The following MYO6 variants were observed in gnomAD, a reference collection of about 807,000 sequenced individuals.
MYO6 encodes the protein myosin VI.
In MYO6, 74 loss-of-function variants were observed where a neutral mutation model predicts 178.7. That is an observed-to-expected ratio of 0.41 (90% CI 0.34 to 0.50). The LOEUF is 0.50. MYO6 is among the 20% of genes least tolerant of loss of function. The pLI, the probability that MYO6 is intolerant of heterozygous loss-of-function variation, is 0.09. For synonymous variants in MYO6, 477 were observed against 504.6 expected, an observed-to-expected ratio of 0.95 and a Z score of 0.73; for missense variants, 1,330 against 1,547.4, an observed-to-expected ratio of 0.86 and a Z score of 2.36.
intron 25 of MYO6, among the ~76,000 whole-genome samples, chr6:75,889,342 T>C (rs1333568099): frequency 6.6e-6 from 1 of 152,238 alleles, no homozygotes; most frequent in Admixed American, 6.5e-5. Flanking sequence ...AAATATTCTC[T>C]AGGTACTATT....
rs536697366 is a variant in MYO6, at chr6:75,759,256, A to G, written c.-48+9833A>G. Among the ~76,000 whole-genome samples the G allele has an allele frequency of 1.2e-4, 19 of 152,254 alleles. No homozygotes were observed. The South Asian group carries it at 3.9e-3, about 32-fold the overall frequency. On this transcript the variant is annotated intron_variant, in intron 1 of 34. Coordinates refer to ENST00000369977, the MANE Select transcript of MYO6 (RefSeq NM_004999.4). ...AGATAATGTGCTGTTGAATAATCAG[A>G]CTTGGCATTGTTAGTCATATCAGGC...
At chr6:75,838,670 G>GT (rs1343495933) in intron 7 of MYO6, among the ~76,000 whole-genome samples, 19 of 126,504 alleles carry the variant, frequency 1.5e-4, no homozygotes, top group East Asian at 6.9e-4. Context: ...TTTTCTTCTT[G>GT]TTTTTTTTTG....
rs1781211739 is a variant in MYO6 at position 75,917,991 on chromosome 6, C to T, written c.*2979C>T. ...TATGATGTTAGTGATAGACCTGCCTCCTTTTATGGAAGAGGTAACAGATCC... is the reference window on the plus strand; with the variant it reads ...TATGATGTTAGTGATAGACCTGCCTTCTTTTATGGAAGAGGTAACAGATCC... On this transcript the variant is annotated 3_prime_UTR_variant, in exon 35 of 35. Coordinates refer to ENST00000369977, the MANE Select transcript of MYO6 (RefSeq NM_004999.4). 1 of 152,434 alleles carries T rather than the reference C, an allele frequency of 6.6e-6. No homozygotes were observed. Among genetic ancestry groups the T allele is most frequent in the Admixed American group, 6.5e-5 (1 of 15,270 alleles). 9.4% of individuals were successfully genotyped at this position (152,434 alleles called of 1,614,324 possible).
intron 1 of MYO6, among the ~76,000 whole-genome samples, chr6:75,772,681 C>T (rs577337677): frequency 1.3e-4 from 20 of 152,164 alleles, no homozygotes; most frequent in East Asian, 5.8e-4. Flanking sequence ...ATGAAGTTAC[C>T]GATGTGTTTT....
At position 75,762,351 on chromosome 6, in the gene MYO6, A is replaced by G. The variant is rs553025290; in HGVS notation, c.-48+12928A>G. ...ATGAGGTGACTATTCTTATTATTCT[A>G]TTTTATAGCTGAGAGAGCTGAGGTC... On this transcript the variant is annotated intron_variant, in intron 1 of 34. Coordinates refer to ENST00000369977, the MANE Select transcript of MYO6 (RefSeq NM_004999.4). Among the ~76,000 whole-genome samples, 4 of 152,248 alleles carry G rather than the reference A, an allele frequency of 2.6e-5. No homozygotes were observed. In the South Asian group the frequency reaches 8.3e-4, roughly 32 times the overall value.
At chr6:75,888,413 G>C (rs1778636891) in intron 25 of MYO6, among the ~76,000 whole-genome samples, 1 of 152,078 alleles carries the variant, frequency 6.6e-6, no homozygotes, top group Non-Finnish European at 1.5e-5. Flanking sequence ...TCAGGAGTTA[G>C]AGACCAACCT....
intron 8 of MYO6, 65 bp from the exon 9 acceptor site, chr6:75,841,149 A>G (rs1336870485): frequency 1.4e-6 from 2 of 1,450,308 alleles, no homozygotes; most frequent in Admixed American, 1.7e-5. Context: ...ATAATTTAAC[A>G]TTGGTTAATT....
chr6:75,867,181 T>A, intron 18 of MYO6, 76 bp downstream of exon 18: 1 of 1,201,748 alleles, frequency 8.3e-7, no homozygotes, highest in Non-Finnish European at 1.2e-6. Context: ...ATGGATAATG[T>A]AGATCACTGT....
chr6:75,909,510 T>C (rs1780599758), intron 32 of MYO6, among the ~76,000 whole-genome samples: 1 of 152,218 alleles, frequency 6.6e-6, no homozygotes, highest in African/African-American at 2.4e-5. Context: ...TGAACATGGA[T>C]TTTGTTACTT....
intron 1 of MYO6, among the ~76,000 whole-genome samples, chr6:75,805,989 A>G (rs1770038651): frequency 6.6e-6 from 1 of 152,150 alleles, no homozygotes; most frequent in Admixed American, 6.6e-5. Context: ...GATTTTCTGA[A>G]AGATTTTTCT....
chr6:75,855,183 T>G lies in MYO6; in HGVS notation c.1123T>G (p.Cys375Gly). ...KNKSAQSLEY[C>G]AELLGLDQDD... ...TAAATCTGCTCAGTCTTTGGAATAT[T>G]GTGCTGAATTACTGGGTTTGGACCA... The change falls in exon 12 of 35, where the codon TGT becomes GGT. Residue 375 changes from cysteine to glycine, a missense_variant. This residue lies in a region of MYO6 where 613 missense variants were observed against 816.8 expected (regional missense o/e 0.75). Transcript: ENST00000369977. 1 of 1,612,846 alleles carries G rather than the reference T, an allele frequency of 6.2e-7. No homozygotes were observed. Among genetic ancestry groups the G allele is most frequent in the Non-Finnish European group, 8.5e-7 (1 of 1,179,016 alleles).
intron 1 of MYO6, among the ~76,000 whole-genome samples, chr6:75,751,947 A>C (rs1284363237): frequency 6.6e-6 from 1 of 152,082 alleles, no homozygotes; most frequent in African/African-American, 2.4e-5. Flanking sequence ...AATATCTAAA[A>C]ATATTGGGAA....
At chr6:75,845,301 A>G (rs1774621535) in intron 10 of MYO6, among the ~76,000 whole-genome samples, 1 of 152,076 alleles carries the variant, frequency 6.6e-6, no homozygotes, top group African/African-American at 2.4e-5. Flanking sequence ...TATATTACCC[A>G]CTTGAGCTTA....
At chr6:75,787,730 CTATATATA>C (rs1172801367) in intron 1 of MYO6, among the ~76,000 whole-genome samples, 78 of 11,648 alleles carry the variant, frequency 6.7e-3, no homozygotes, top group South Asian at 0.025. Flanking sequence ...CTCTCTCTCT[CTATATATA>C]TATATATATA....
intron 30 of MYO6, among the ~76,000 whole-genome samples, chr6:75,904,474 C>A (rs1381365234): frequency 5.3e-5 from 8 of 151,924 alleles, no homozygotes. Context: ...TCATTTCATT[C>A]ATTTCATCTT....
chr6:75,770,711 A>G (rs933864080), intron 1 of MYO6, among the ~76,000 whole-genome samples: 1 of 152,176 alleles, frequency 6.6e-6, no homozygotes, highest in Non-Finnish European at 1.5e-5. Flanking sequence ...TCCCGACCTC[A>G]GGTGATCCAC....
At chr6:75,750,547 T>A (rs888262243) in intron 1 of MYO6, among the ~76,000 whole-genome samples, 1 of 151,434 alleles carries the variant, frequency 6.6e-6, no homozygotes, top group Non-Finnish European at 1.5e-5. Context: ...TTTTTTTTTT[T>A]AATGCTCTGG....
chr6:75,804,005 C>T (rs531810047), intron 1 of MYO6, among the ~76,000 whole-genome samples: 5 of 152,234 alleles, frequency 3.3e-5, no homozygotes, highest in East Asian at 1.9e-4. Context: ...GCTATTCTTC[C>T]GCCTCAGCCT....
intron 1 of MYO6, among the ~76,000 whole-genome samples, chr6:75,764,100 C>T (rs1778185758): frequency 6.6e-6 from 1 of 152,098 alleles, no homozygotes; most frequent in Non-Finnish European, 1.5e-5. Flanking sequence ...GGCTGGACTG[C>T]ATTCGTACCA....
Sources: gnomAD v4.1 joint callset for allele counts (sites outside exome capture counted in the v4.1 genomes callset) on GRCh38, gnomAD v4.1.1 for gene constraint, gnomAD v4.1.1 regional missense constraint, MANE v1.5 for transcripts, NCBI Gene and HGNC (gene_info 2026-07-23, HGNC 2026-07-21) for gene names.